Variants in MEGF11 observed in about 807,000 individuals in gnomAD.
MEGF11 encodes multiple epidermal growth factor-like domains protein 11.
Under a neutral mutation model 146.6 loss-of-function variants are expected in MEGF11, and 126 were observed. That is an observed-to-expected ratio of 0.86 (90% confidence interval 0.74 to 1.00). The LOEUF is 1.00. Ranked by LOEUF, MEGF11 falls within the 50% of genes least tolerant of loss-of-function variation. The probability of loss-of-function intolerance (pLI) is 0.00; values close to 1 mark genes in which losing one functional copy is unlikely to be tolerated. For synonymous variants in MEGF11, 532 were observed against 583.4 expected, an observed-to-expected ratio of 0.91 and a Z score of 1.27; for missense variants, 1,509 against 1,521.2, an observed-to-expected ratio of 0.99 and a Z score of 0.13.
chr15:66,040,616 T>A (rs1026317924), intron 5 of MEGF11, among the ~76,000 whole-genome samples: 1 of 152,152 alleles, frequency 6.6e-6, no homozygotes, highest in African/African-American at 2.4e-5. Context: ...GGGCTGATTA[T>A]GTGGGCACAG....
At chr15:66,222,445 T>C (rs918115066) in intron 1 of MEGF11, among the ~76,000 whole-genome samples, 4 of 152,212 alleles carry the variant, frequency 2.6e-5, no homozygotes, top group Non-Finnish European at 4.4e-5. Context: ...CACAGCCTCT[T>C]GCACCTATTG....
intron 10 of MEGF11, among the ~76,000 whole-genome samples, chr15:65,932,611 G>A (rs901761544): frequency 3.9e-5 from 6 of 152,064 alleles, no homozygotes; most frequent in Admixed American, 3.3e-4. Flanking sequence ...GAATGTGCTA[G>A]GGGTGGCTGA....
At chr15:65,927,730 TGAA>T (rs2079421940) in intron 13 of MEGF11, among the ~76,000 whole-genome samples, 1 of 152,172 alleles carries the variant, frequency 6.6e-6, no homozygotes, top group African/African-American at 2.4e-5. Flanking sequence ...GTTGGCTTCC[TGAA>T]GAAGTAGACT....
chr15:65,962,129 G>C (rs1441148604), intron 9 of MEGF11, among the ~76,000 whole-genome samples: 1 of 152,204 alleles, frequency 6.6e-6, no homozygotes, highest in Non-Finnish European at 1.5e-5. Context: ...CTTAAGATTA[G>C]AAGTCACAGA....
intron 1 of MEGF11, among the ~76,000 whole-genome samples, chr15:66,241,645 G>T (rs1365856943): frequency 6.6e-6 from 1 of 152,136 alleles, no homozygotes; most frequent in South Asian, 2.1e-4. Context: ...CCTTAGAGGG[G>T]ACCCAGGTCC....
chr15:65,992,448 T>TGGGG (rs1245633236), intron 5 of MEGF11, among the ~76,000 whole-genome samples: 4 of 28,242 alleles, frequency 1.4e-4, no homozygotes, highest in East Asian at 1.2e-3. Context: ...TGTGTGTGTG[T>TGGGG]GTGGGGGGGG....
intron 5 of MEGF11, among the ~76,000 whole-genome samples, chr15:66,081,297 G>C (rs1189394340): frequency 2.0e-5 from 3 of 152,214 alleles, no homozygotes; most frequent in African/African-American, 7.2e-5. Flanking sequence ...CTCGGATTAG[G>C]TGAGCCAGTC....
At chr15:65,925,531 G>C (rs1312051033) in intron 13 of MEGF11, among the ~76,000 whole-genome samples, 1 of 152,212 alleles carries the variant, frequency 6.6e-6, no homozygotes, top group Non-Finnish European at 1.5e-5. Flanking sequence ...TATGATCAAA[G>C]GGGCTGGCCT....
chr15:66,110,058 G>A (rs920938643), intron 4 of MEGF11, among the ~76,000 whole-genome samples: 1 of 152,140 alleles, frequency 6.6e-6, no homozygotes, highest in Non-Finnish European at 1.5e-5. Context: ...AGGATGGTGG[G>A]TACAGAGTAC....
chr15:66,213,464 G>A (rs1204743480), intron 1 of MEGF11, among the ~76,000 whole-genome samples: 1 of 152,150 alleles, frequency 6.6e-6, no homozygotes, highest in Non-Finnish European at 1.5e-5. Flanking sequence ...TTCTGCCCTC[G>A]TGGAGTTGGC....
intron 5 of MEGF11, among the ~76,000 whole-genome samples, chr15:66,009,214 A>C (rs2082621398): frequency 6.6e-6 from 1 of 150,960 alleles, no homozygotes; most frequent in South Asian, 2.1e-4. Context: ...GTGGTAATTA[A>C]GTTGGTTAGA....
At chr15:66,050,339 G>T (rs1217816378) in intron 5 of MEGF11, among the ~76,000 whole-genome samples, 1 of 151,854 alleles carries the variant, frequency 6.6e-6, no homozygotes, top group Non-Finnish European at 1.5e-5. Flanking sequence ...GGAAGAGGGG[G>T]CTGGGGTAGA....
At chr15:66,042,437 G>GGAC (rs778977461) in intron 5 of MEGF11, among the ~76,000 whole-genome samples, 1 of 152,044 alleles carries the variant, frequency 6.6e-6, no homozygotes, top group Non-Finnish European at 1.5e-5. Flanking sequence ...ATTACCCAGG[G>GGAC]GACGTCAGAG....
intron 10 of MEGF11, among the ~76,000 whole-genome samples, chr15:65,949,255 T>G (rs2141429256): frequency 6.6e-6 from 1 of 152,284 alleles, no homozygotes; most frequent in Non-Finnish European, 1.5e-5. Flanking sequence ...TAAAGGACAT[T>G]GGAAACCTTG....
At chr15:66,082,509 CT>C (rs2085924276) in intron 5 of MEGF11, among the ~76,000 whole-genome samples, 3 of 101,072 alleles carry the variant, frequency 3.0e-5, no homozygotes, top group African/African-American at 1.2e-4. Context: ...ATCTATCTAT[CT>C]ATCTATAAAT....
chr15:66,064,727 C>G (rs980819556), intron 5 of MEGF11, among the ~76,000 whole-genome samples: 1 of 151,224 alleles, frequency 6.6e-6, no homozygotes, highest in African/African-American at 2.4e-5. Flanking sequence ...CTGGGTTTCT[C>G]CATGTTGGTC....
intron 5 of MEGF11, among the ~76,000 whole-genome samples, chr15:65,998,495 G>A (rs935436144): frequency 1.3e-5 from 2 of 152,100 alleles, no homozygotes; most frequent in African/African-American, 4.8e-5. Context: ...AAATTACAGC[G>A]CCCCTCTTTA....
At chr15:66,036,750 A>G (rs958872821) in intron 5 of MEGF11, among the ~76,000 whole-genome samples, 5 of 152,220 alleles carry the variant, frequency 3.3e-5, no homozygotes, top group Non-Finnish European at 7.4e-5. Context: ...AGCCTTAAAC[A>G]TAAGCTGAAT....
At chr15:66,056,851 TTC>T (rs1352882830) in intron 5 of MEGF11, among the ~76,000 whole-genome samples, 1 of 152,178 alleles carries the variant, frequency 6.6e-6, no homozygotes, top group Non-Finnish European at 1.5e-5. Flanking sequence ...CACCCTGTCA[TTC>T]TCTGATTTTG....
Sources: allele counts gnomAD v4.1 joint callset (sites outside exome capture counted in the v4.1 genomes callset), GRCh38; gene constraint gnomAD v4.1.1; transcripts MANE v1.5; gene names NCBI Gene and HGNC (gene_info 2026-07-23, HGNC 2026-07-21).